CNOT4: variants seen among roughly 807,000 people sequenced by gnomAD.
CNOT4 encodes CCR4-associated factor 4.
In CNOT4, 8 loss-of-function variants were observed where a neutral mutation model predicts 73.8. That is an observed-to-expected ratio of 0.11 (90% confidence interval 0.06 to 0.20). CNOT4 has a LOEUF of 0.20. Ranked by LOEUF, CNOT4 falls within the 10% of genes least tolerant of loss-of-function variation. CNOT4 has a pLI of 1.00. For synonymous variants in CNOT4, 293 were observed against 321.1 expected, an observed-to-expected ratio of 0.91 and a Z score of 0.94; for missense variants, 564 against 883.4, an observed-to-expected ratio of 0.64 and a Z score of 4.58.
chr7:135,410,646 C>T lies in CNOT4; in HGVS notation c.690G>A (p.Ala230=), dbSNP rs775847156. 1.6e-5 allele frequency: 26 copies of T among 1,576,340 alleles called. No homozygotes were observed. The highest frequency in any genetic ancestry group is 9.6e-5 in the African/African-American group (7 of 72,616). The change falls in exon 7 of 12, where the codon GCG becomes GCA. Residue 230 remains alanine (A), a splice_region_variant and synonymous_variant. Transcript: ENST00000541284. ...TCTGTTCATATTCTTGGTGTTTACCCGCCTAACGAAAGAAGAAATTAAAAC... is the reference window on the plus strand; with the variant it reads ...TCTGTTCATATTCTTGGTGTTTACCTGCCTAACGAAAGAAGAAATTAAAAC... ...AASFTKEEMQ[A]GKHQEYEQKL...
At chr7:135,445,052 T>G in intron 1 of CNOT4, 1 of 784,836 alleles carries the variant, frequency 1.3e-6, no homozygotes, top group Non-Finnish European at 2.2e-6. Context: ...AGCCTTCTTC[T>G]CTTAATCACA....
intron 1 of CNOT4, among the ~76,000 whole-genome samples, chr7:135,451,897 G>C (rs1423366508): frequency 6.6e-6 from 1 of 152,180 alleles, no homozygotes; most frequent in Admixed American, 6.5e-5. Context: ...CCATAGACAT[G>C]TGCAAGTATT....
intron 10 of CNOT4, among the ~76,000 whole-genome samples, chr7:135,391,441 GAA>G (rs745399255): frequency 1.3e-5 from 2 of 151,848 alleles, no homozygotes; most frequent in Non-Finnish European, 2.9e-5. Flanking sequence ...TGCATAGCCT[GAA>G]ATTGAAAATC....
At chr7:135,501,109 C>T (rs1156680346) in intron 1 of CNOT4, among the ~76,000 whole-genome samples, 2 of 151,838 alleles carry the variant, frequency 1.3e-5, no homozygotes, top group African/African-American at 2.4e-5. Context: ...CTCAGCCTCC[C>T]AAGTAGCTGG....
chr7:135,469,918 T>C (rs1801468300), intron 1 of CNOT4, among the ~76,000 whole-genome samples: 1 of 151,932 alleles, frequency 6.6e-6, no homozygotes, highest in Non-Finnish European at 1.5e-5. Flanking sequence ...ACCTCCTAGG[T>C]TTAAGCAATT....
At chr7:135,507,654 A>G (rs1050315958) in intron 1 of CNOT4, among the ~76,000 whole-genome samples, 4 of 152,198 alleles carry the variant, frequency 2.6e-5, no homozygotes, top group African/African-American at 9.6e-5. Flanking sequence ...CCCTTCTACC[A>G]GACAAACAAT....
chr7:135,499,652 T>C (rs997468935), intron 1 of CNOT4, among the ~76,000 whole-genome samples: 1 of 151,616 alleles, frequency 6.6e-6, no homozygotes, highest in Non-Finnish European at 1.5e-5. Flanking sequence ...AGGGATTAAA[T>C]ACAAATTTCC....
At chr7:135,406,512 T>C (rs1797295332) in intron 7 of CNOT4, among the ~76,000 whole-genome samples, 1 of 151,340 alleles carries the variant, frequency 6.6e-6, no homozygotes, top group African/African-American at 2.4e-5. Flanking sequence ...AAAAGAAAAA[T>C]TAACTGGGTG....
Position 135,370,938 on chromosome 7 carries a change from C to T in CNOT4, c.1628-6872G>A, listed in dbSNP as rs536361114. Among the ~76,000 whole-genome samples, 24 of 152,234 alleles carry T rather than the reference C, an allele frequency of 1.6e-4. 1 individual carries two copies. In the South Asian group the frequency reaches 4.6e-3, roughly 29 times the overall value. On this transcript the variant is annotated intron_variant, in intron 10 of 11. Coordinates refer to ENST00000541284, the MANE Select transcript of CNOT4 (RefSeq NM_001190850.2). ...GCAAATATACTTTTAAAAAGTCCAA[C>T]GCATCAAAACTGTTTAAAGAAGGAA...
intron 6 of CNOT4, among the ~76,000 whole-genome samples, chr7:135,412,224 C>T (rs1797625887): frequency 6.6e-6 from 1 of 151,810 alleles, no homozygotes; most frequent in African/African-American, 2.4e-5. Context: ...ATTAAAATGA[C>T]TCTACAGGGG....
chr7:135,398,352 G>A, intron 7 of CNOT4, 126 bp from the exon 8 acceptor site: 1 of 616,392 alleles, frequency 1.6e-6, no homozygotes, highest in Non-Finnish European at 2.9e-6. Context: ...TGAGGTACTG[G>A]GAAGTAAAAC....
rs11292254 is a variant in CNOT4, at chr7:135,389,157, C to CAAA, written c.1627+4758_1627+4760dup. On this transcript the variant is annotated intron_variant, in intron 10 of 11. Transcript: ENST00000541284. ...TAGATTTAGATTATAAACATACTAC[C>CAAA]AAAAAAAAAAAAAAAAAAAAAGACC... 1.6e-3 allele frequency among the ~76,000 whole-genome samples: 132 copies of CAAA among 83,646 alleles called. 1 individual carries two copies. The highest frequency in any genetic ancestry group is 4.6e-3 in the African/African-American group (103 of 22,370). 54.9% of individuals were successfully genotyped at this position (83,646 alleles called of 152,430 possible). A position where few individuals can be genotyped will look rare whatever the true frequency, so the allele number is the denominator to read the frequency against.
At chr7:135,398,430 G>T (rs1484487220) in intron 7 of CNOT4, among the ~76,000 whole-genome samples, 1 of 151,942 alleles carries the variant, frequency 6.6e-6, no homozygotes, top group African/African-American at 2.4e-5. Flanking sequence ...TCCAATATCT[G>T]AACTGCTTCA....
intron 10 of CNOT4, among the ~76,000 whole-genome samples, chr7:135,373,547 C>A (rs893856570): frequency 5.9e-5 from 9 of 152,144 alleles, no homozygotes; most frequent in Admixed American, 5.2e-4. Flanking sequence ...AAATGGCAGA[C>A]TCTGGAAGCA....
At chr7:135,405,392 G>C (rs1797224549) in intron 7 of CNOT4, among the ~76,000 whole-genome samples, 1 of 152,110 alleles carries the variant, frequency 6.6e-6, no homozygotes, top group South Asian at 2.1e-4. Context: ...AACTAGGCCT[G>C]CTCACTGTCT....
At chr7:135,449,937 T>C (rs1472161540) in intron 1 of CNOT4, among the ~76,000 whole-genome samples, 3 of 151,924 alleles carry the variant, frequency 2.0e-5, no homozygotes, top group African/African-American at 7.2e-5. Context: ...AAGAGACCCC[T>C]CTTTAAACAT....
intron 1 of CNOT4, among the ~76,000 whole-genome samples, chr7:135,453,827 T>TATATATATATATATATATAA (rs1491408475): frequency 1.9e-4 from 5 of 26,714 alleles, no homozygotes; most frequent in Non-Finnish European, 4.4e-4. Context: ...ATATATATTT[T>TATATATATATATATATATAA]ATATATATAT....
intron 10 of CNOT4, chr7:135,387,660 T>C (rs1796189279): frequency 2.0e-6 from 2 of 984,930 alleles, no homozygotes; most frequent in Admixed American, 6.2e-5. Context: ...AGGCAGAATA[T>C]GGTCATGTTT....
At chr7:135,433,270 A>C (rs1020595251) in intron 2 of CNOT4, among the ~76,000 whole-genome samples, 5 of 149,946 alleles carry the variant, frequency 3.3e-5, no homozygotes, top group Non-Finnish European at 5.9e-5. Flanking sequence ...GCTTTCCTTC[A>C]GTTATTTTTG....
Sources: gnomAD v4.1 joint callset for allele counts (sites outside exome capture counted in the v4.1 genomes callset) on GRCh38, gnomAD v4.1.1 for gene constraint, MANE v1.5 for transcripts, NCBI Gene and HGNC (gene_info 2026-07-23, HGNC 2026-07-21) for gene names.